The following SYTL2 variants were observed in gnomAD, a reference collection of about 807,000 sequenced individuals.
SYTL2 encodes synaptotagmin like 2, also known as synaptotagmin-like protein 2.
A neutral mutation model predicts 198.7 loss-of-function variants in SYTL2; 165 were observed. That is an observed-to-expected ratio of 0.83 (90% CI 0.73 to 0.94). The LOEUF (loss-of-function observed/expected upper bound fraction) is 0.94. Ranked by LOEUF, SYTL2 falls within the 40% of genes least tolerant of loss-of-function variation. The pLI is 0.00. For synonymous variants in SYTL2, 966 were observed against 917.7 expected, an observed-to-expected ratio of 1.05 and a Z score of -0.95; for missense variants, 2,835 against 2,582.8, an observed-to-expected ratio of 1.10 and a Z score of -2.12.
chr11:85,839,453 G>A, the SYTL2 span, among the ~76,000 whole-genome samples: 2 of 152,136 alleles, frequency 1.3e-5, no homozygotes, highest in African/African-American at 4.8e-5. Flanking sequence ...AGGGTATGGG[G>A]GATTGAGGGG....
chr11:85,702,272 C>T (rs980874990), intron 16 of SYTL2, among the ~76,000 whole-genome samples: 2 of 151,638 alleles, frequency 1.3e-5, no homozygotes, highest in Admixed American at 6.6e-5. Flanking sequence ...TCATTGCAAC[C>T]ACCACCTCCT....
the SYTL2 span, chr11:85,853,202 G>T: frequency 2.4e-6 from 1 of 412,924 alleles, no homozygotes; most frequent in Non-Finnish European, 4.8e-6. Context: ...TGACAATGGC[G>T]GTTTTGTGGA....
Position 85,728,458 on chromosome 11 carries a change from TG to T in SYTL2, c.1391-492del, listed in dbSNP as rs1161481533. On this transcript the variant is annotated intron_variant, in intron 7 of 19. Transcript: ENST00000359152. ...TGCACCACCACGCTCAGCTAATTTT[TG>T]TATTTTTAGTAGAGACGGGGTTTCA... Among the ~76,000 whole-genome samples, 376 of 152,162 alleles carry T rather than the reference TG, an allele frequency of 2.5e-3. 1 individual carries two copies. The highest frequency in any genetic ancestry group is 8.6e-3 in the African/African-American group (358 of 41,516).
intron 1 of SYTL2, among the ~76,000 whole-genome samples, chr11:85,769,537 T>C (rs2092313490): frequency 6.6e-6 from 1 of 152,208 alleles, no homozygotes; most frequent in South Asian, 2.1e-4. Context: ...ACTTCTGACT[T>C]CTAGAATTAT....
Position 85,726,693 on chromosome 11 carries a change from T to G in SYTL2, c.2665A>C (p.Arg889=). 1 of 1,536,362 alleles carries G rather than the reference T, an allele frequency of 6.5e-7. No individual in the cohort carries two copies. The highest frequency in any genetic ancestry group is 2.0e-5 in the Admixed American group (1 of 51,008). The change falls in exon 8 of 20, where the codon AGA becomes CGA. Residue 889 remains arginine (R), a synonymous_variant. Coordinates refer to ENST00000359152, the MANE Select transcript of SYTL2 (RefSeq NM_206927.4). ...GATTGCTCAGCTGAAAGATAGTATCTGGATGGACCTGCTATTTGTGGCTTG... is the reference window on the plus strand; with the variant it reads ...GATTGCTCAGCTGAAAGATAGTATCGGGATGGACCTGCTATTTGTGGCTTG... ...ETKPQIAGPS[R]YYLSAEQSDK...
At chr11:85,845,071 ACATTGTCAAGTTCCTGCT>A in the SYTL2 span, among the ~76,000 whole-genome samples, 1 of 152,194 alleles carries the variant, frequency 6.6e-6, no homozygotes, top group Non-Finnish European at 1.5e-5. Flanking sequence ...GTCTTCCTGC[ACATTGTCAAGTTCCTGCT>A]CATTGTCAAG....
the SYTL2 span, among the ~76,000 whole-genome samples, chr11:85,820,182 C>T: frequency 6.6e-6 from 1 of 152,190 alleles, no homozygotes; most frequent in Non-Finnish European, 1.5e-5. Context: ...CAATAGAAAT[C>T]TCACATTTTT....
At chr11:85,754,018 A>T (rs1001065587) in intron 2 of SYTL2, among the ~76,000 whole-genome samples, 4 of 152,174 alleles carry the variant, frequency 2.6e-5, no homozygotes, top group Non-Finnish European at 4.4e-5. Context: ...TATACTCCAA[A>T]GTCTATAAAA....
At chr11:85,703,185 G>A (rs1056461881) in intron 16 of SYTL2, among the ~76,000 whole-genome samples, 2 of 152,102 alleles carry the variant, frequency 1.3e-5, no homozygotes, top group African/African-American at 2.4e-5. Flanking sequence ...GTTTCCAGAA[G>A]GAGAGGAGAA....
chr11:85,696,147 TG>T, intron 19 of SYTL2, 35 bp downstream of exon 19: 1 of 1,582,642 alleles, frequency 6.3e-7, no homozygotes, highest in Non-Finnish European at 8.7e-7. Context: ...TAGAAAAATT[TG>T]GCTCATGGAG....
In SYTL2 at chr11:85,707,457, A is replaced by G. The variant is rs1488545992; in HGVS notation, c.5990T>C (p.Leu1997Ser). ...CAGTATTTCGTTATACACAGGATTC[A>G]AGGTTTTCTTCACTACGAGTGTTTT... ...KKKTLVVKKTLNPVYNEILRY... is the reference protein window; with the variant it reads ...KKKTLVVKKTSNPVYNEILRY... The change falls in exon 15 of 20, where the codon TTG becomes TCG. Residue 1997 changes from leucine (L) to serine (S), a missense_variant. This residue lies in a region of SYTL2 where 2,645 missense variants were observed against 2,381.7 expected (regional missense o/e 1.11). Coordinates refer to ENST00000359152, the MANE Select transcript of SYTL2 (RefSeq NM_206927.4). 3 of 1,613,888 alleles carry G rather than the reference A, an allele frequency of 1.9e-6. No individual in the cohort carries two copies. The African/African-American group carries it at 4.0e-5, about 22-fold the overall frequency.
chr11:85,783,743 C>T (rs667080), intron 1 of SYTL2, among the ~76,000 whole-genome samples: 30,738 of 152,162 alleles, frequency 0.2, 3,454 homozygotes, highest in South Asian at 0.33. Context: ...AATGGCAGCA[C>T]AACTCCAGCC....
the SYTL2 span, among the ~76,000 whole-genome samples, chr11:85,848,960 G>A: frequency 6.6e-6 from 1 of 152,148 alleles, no homozygotes; most frequent in Non-Finnish European, 1.5e-5. Context: ...TTGGTTTGGA[G>A]AGACAAAGAA....
chr11:85,781,900 A>G (rs1463553780), intron 1 of SYTL2, among the ~76,000 whole-genome samples: 1 of 152,192 alleles, frequency 6.6e-6, no homozygotes, highest in Non-Finnish European at 1.5e-5. Flanking sequence ...ACAGGCTGGC[A>G]TTGAGTGTCT....
intron 4 of SYTL2, among the ~76,000 whole-genome samples, chr11:85,745,091 G>T (rs2091059126): frequency 6.6e-6 from 1 of 152,088 alleles, no homozygotes; most frequent in Non-Finnish European, 1.5e-5. Context: ...ACTAATTCTT[G>T]CCATAGCTTT....
At chr11:85,698,118 C>T in intron 17 of SYTL2, 40 bp from the exon 18 acceptor site, 2 of 1,392,808 alleles carry the variant, frequency 1.4e-6, no homozygotes, top group Non-Finnish European at 2.0e-6. Context: ...ACTGCCAGTT[C>T]TCCCTTGGCA....
chr11:85,749,256 AT>A (rs1201620453), intron 2 of SYTL2, among the ~76,000 whole-genome samples: 1 of 152,226 alleles, frequency 6.6e-6, no homozygotes, highest in Admixed American at 6.5e-5. Flanking sequence ...AAATAAAAAA[AT>A]CACAAAATCT....
chr11:85,703,831 G>T (rs1477116903), intron 16 of SYTL2, among the ~76,000 whole-genome samples: 1 of 152,032 alleles, frequency 6.6e-6, no homozygotes, highest in Non-Finnish European at 1.5e-5. Flanking sequence ...AAATGTTCTT[G>T]GTTCCTTCCA....
intron 2 of SYTL2, 150 bp from the exon 3 acceptor site, chr11:85,748,573 A>C (rs1056910880): frequency 2.4e-6 from 2 of 848,106 alleles, no homozygotes; most frequent in African/African-American, 3.4e-5. Context: ...ATGACTAACA[A>C]GTGTATGTTC....
Sources: allele counts gnomAD v4.1 joint callset (sites outside exome capture counted in the v4.1 genomes callset), GRCh38; gene constraint gnomAD v4.1.1; regional missense constraint gnomAD v4.1.1; transcripts MANE v1.5; gene names NCBI Gene and HGNC (gene_info 2026-07-23, HGNC 2026-07-21).